The following ACAD11 variants were observed in gnomAD, a reference collection of about 807,000 sequenced individuals.
The protein encoded by ACAD11 is acyl-Coenzyme A dehydrogenase family, member 11.
ACAD11 carries 83 observed loss-of-function variants against 102.2 expected under a neutral mutation model. That is an observed-to-expected ratio of 0.81 (90% CI 0.68 to 0.97). The LOEUF (loss-of-function observed/expected upper bound fraction) is 0.97, where lower values mean the gene tolerates loss of function less well. ACAD11 is among the 50% of genes least tolerant of loss of function. The pLI is 0.00. For synonymous variants in ACAD11, 324 were observed against 319.8 expected (o/e 1.01, Z -0.14); for missense variants, 901 against 951.7 (o/e 0.95, Z 0.70).
At chr3:132,642,934 T>C (rs1440402236) in intron 2 of ACAD11, 132 bp from the exon 3 acceptor site, 6 of 824,398 alleles carry the variant, frequency 7.3e-6, no homozygotes, top group Non-Finnish European at 1.1e-5. Flanking sequence ...CTCCAGAGGA[T>C]AATAGTAATA....
intron 13 of ACAD11, among the ~76,000 whole-genome samples, chr3:132,596,691 G>T (rs189513585): frequency 6.6e-5 from 10 of 152,218 alleles, no homozygotes; most frequent in Middle Eastern, 3.4e-3. Flanking sequence ...GGGAAAAAAG[G>T]TAACAAGAAA....
chr3:132,585,316 T>A (rs1236003807), intron 13 of ACAD11, among the ~76,000 whole-genome samples: 1 of 152,210 alleles, frequency 6.6e-6, no homozygotes, highest in Non-Finnish European at 1.5e-5. Flanking sequence ...ACTTGATCCC[T>A]TCCTTACACC....
intron 11 of ACAD11, among the ~76,000 whole-genome samples, chr3:132,613,536 G>C (rs905273674): frequency 2.0e-5 from 3 of 151,904 alleles, no homozygotes; most frequent in Non-Finnish European, 2.9e-5. Context: ...AGAAATGAAG[G>C]GTATTCAGAT....
At chr3:132,597,312 C>T (rs948736859) in intron 13 of ACAD11, 4 of 151,994 alleles carry the variant, frequency 2.6e-5, no homozygotes, top group African/African-American at 4.8e-5. Flanking sequence ...TCCTCTCTGC[C>T]GACTACAACA....
At chr3:132,612,406 A>T (rs1179308266) in intron 11 of ACAD11, among the ~76,000 whole-genome samples, 1 of 152,074 alleles carries the variant, frequency 6.6e-6, no homozygotes, top group Non-Finnish European at 1.5e-5. Context: ...GCTTCTGCAC[A>T]GCAAAAGAAA....
At chr3:132,624,298 T>C (rs1320099801) in intron 9 of ACAD11, among the ~76,000 whole-genome samples, 1 of 145,668 alleles carries the variant, frequency 6.9e-6, no homozygotes, top group African/African-American at 2.6e-5. Context: ...AGCAAGACCC[T>C]GTCTCTTGAA....
At chr3:132,643,775 A>T (rs1940614894) in intron 2 of ACAD11, among the ~76,000 whole-genome samples, 1 of 152,118 alleles carries the variant, frequency 6.6e-6, no homozygotes, top group Non-Finnish European at 1.5e-5. Flanking sequence ...AGAAGCAAAA[A>T]GTGGATCACA....
At chr3:132,619,578 C>G in intron 9 of ACAD11, 33 bp from the exon 10 acceptor site, 2 of 1,252,160 alleles carry the variant, frequency 1.6e-6, no homozygotes, top group Non-Finnish European at 2.2e-6. Context: ...ATTTCACTAG[C>G]TAAAGTTAAT....
At chr3:132,644,450 T>C (rs1434603767) in intron 2 of ACAD11, among the ~76,000 whole-genome samples, 1 of 152,120 alleles carries the variant, frequency 6.6e-6, no homozygotes, top group Non-Finnish European at 1.5e-5. Flanking sequence ...TACTATTACA[T>C]ATAATAATTT....
At chr3:132,584,413 T>A (rs891400571) in intron 13 of ACAD11, among the ~76,000 whole-genome samples, 1 of 152,186 alleles carries the variant, frequency 6.6e-6, no homozygotes. Flanking sequence ...ACTTGCTTGG[T>A]AGACTTTCCT....
chr3:132,558,729 TG>T lies in ACAD11; in HGVS notation c.*241del. 4.6e-6 allele frequency: 2 copies of T among 432,532 alleles called. No individual in the cohort carries two copies. The highest frequency in any genetic ancestry group is 8.1e-6 in the Non-Finnish European group (2 of 245,466). The allele number at this position is 432,532 out of a possible 1,614,324, so 26.8% of individuals were successfully genotyped here. A position where few individuals can be genotyped will look rare whatever the true frequency, so the allele number is the denominator to read the frequency against. ...GTTGCCCAGGCTGGTCCTGAACTCC[TG>T]GCCTCAAGGAGGCACTAGATTGAAT... On this transcript the variant is annotated 3_prime_UTR_variant, in exon 20 of 20. Coordinates refer to ENST00000264990, the MANE Select transcript of ACAD11 (RefSeq NM_032169.5).
chr3:132,572,946 A>G (rs934914547), intron 17 of ACAD11, among the ~76,000 whole-genome samples: 4 of 151,986 alleles, frequency 2.6e-5, no homozygotes, highest in African/African-American at 9.7e-5. Flanking sequence ...AAGTTCCGGG[A>G]TACAAGTGCA....
rs1939825895 is a variant in ACAD11, at chr3:132,626,686, C to T, written c.1197+5G>A. ...AGAAATACATTCTGCTTATATAATA[C>T]TCACCTTTTCAGCTGGAAGAATGTG... On this transcript the variant is annotated splice_donor_5th_base_variant and intron_variant, in intron 9 of 19. Coordinates refer to ENST00000264990, the MANE Select transcript of ACAD11 (RefSeq NM_032169.5). 1 of 1,613,198 alleles carries T rather than the reference C, an allele frequency of 6.2e-7. No homozygotes were observed. The highest frequency in any genetic ancestry group is 8.5e-7 in the Non-Finnish European group (1 of 1,179,856).
intron 13 of ACAD11, among the ~76,000 whole-genome samples, chr3:132,597,676 C>T (rs749621191): frequency 5.3e-4 from 81 of 151,628 alleles, no homozygotes; most frequent in Non-Finnish European, 6.0e-4. Context: ...ATATATCTGC[C>T]GGAAGGATCA....
intron 8 of ACAD11, among the ~76,000 whole-genome samples, chr3:132,627,880 C>T (rs1331683266): frequency 6.6e-6 from 1 of 152,140 alleles, no homozygotes; most frequent in Admixed American, 6.5e-5. Context: ...ATGAAACTGG[C>T]AAAGTGTGTT....
rs1309907694 is a variant in ACAD11, at chr3:132,586,155, A to G, written c.1622-6597T>C. ...GCACATATACACCATGGAATAGTACACAGCCATAAAAAATGATGAGTTCAT... is the reference window on the plus strand; with the variant it reads ...GCACATATACACCATGGAATAGTACGCAGCCATAAAAAATGATGAGTTCAT... On this transcript the variant is annotated intron_variant, in intron 13 of 19. Transcript: ENST00000264990. Among the ~76,000 whole-genome samples the G allele has an allele frequency of 1.5e-4, 23 of 152,330 alleles. 1 individual carries two copies. Among genetic ancestry groups the G allele is most frequent in the Admixed American group, 5.9e-4 (9 of 15,302 alleles).
At chr3:132,641,256 A>G (rs903283667) in intron 4 of ACAD11, among the ~76,000 whole-genome samples, 1 of 152,120 alleles carries the variant, frequency 6.6e-6, no homozygotes. Context: ...GAAAGAAAAA[A>G]CTGTAAGCCG....
chr3:132,613,730 C>T (rs1393603418), intron 11 of ACAD11, among the ~76,000 whole-genome samples: 1 of 151,980 alleles, frequency 6.6e-6, no homozygotes, highest in South Asian at 2.1e-4. Context: ...GAAACCACAT[C>T]TCTACTAAAA....
At chr3:132,603,432 T>G (rs910147904) in intron 12 of ACAD11, 105 bp from the exon 13 acceptor site, 6 of 973,972 alleles carry the variant, frequency 6.2e-6, no homozygotes, top group Non-Finnish European at 9.4e-6. Flanking sequence ...TCTTTTTCAA[T>G]GTCCTTTCAC....
Sources: gnomAD v4.1 joint callset for allele counts (sites outside exome capture counted in the v4.1 genomes callset) on GRCh38, gnomAD v4.1.1 for gene constraint, MANE v1.5 for transcripts, NCBI Gene and HGNC (gene_info 2026-07-23, HGNC 2026-07-21) for gene names.